SSBP2: variants seen among roughly 807,000 people sequenced by gnomAD.
SSBP2 encodes the protein single-stranded DNA-binding protein 2.
A neutral mutation model predicts 61.8 loss-of-function variants in SSBP2; 17 were observed. The ratio of observed to expected loss-of-function variants is 0.28; its 90% CI spans 0.19 to 0.41. The LOEUF (loss-of-function observed/expected upper bound fraction) is 0.41, where lower values mean the gene tolerates loss of function less well. Ranked by LOEUF, SSBP2 falls within the 10% of genes least tolerant of loss-of-function variation. The pLI is 1.00. For synonymous variants in SSBP2, 139 were observed against 141.3 expected (o/e 0.98, Z 0.12); for missense variants, 310 against 458.7 (o/e 0.68, Z 2.96).
At chr5:81,499,027 G>A (rs747160136) in intron 5 of SSBP2, among the ~76,000 whole-genome samples, 48 of 152,038 alleles carry the variant, frequency 3.2e-4, no homozygotes, top group Admixed American at 1.9e-3. Flanking sequence ...TGTTTTTCAT[G>A]AACATCTCCA....
In SSBP2 at chr5:81,529,261, G is replaced by T. The variant is rs138147519; in HGVS notation, c.283-15544C>A. 8.4e-4 allele frequency among the ~76,000 whole-genome samples: 128 copies of T among 152,264 alleles called. 1 individual carries two copies. The East Asian group carries it at 0.02, about 24-fold the overall frequency. Reference sequence around the variant, plus strand: ...CTGACTCCTTAAATTGCATTAAGTGGAAAGTAAAGAGAAATATCTCTGAAG... The same window carrying T: ...CTGACTCCTTAAATTGCATTAAGTGTAAAGTAAAGAGAAATATCTCTGAAG... On this transcript the variant is annotated intron_variant, in intron 4 of 16. Coordinates refer to ENST00000320672, the MANE Select transcript of SSBP2 (RefSeq NM_012446.5).
chr5:81,657,405 A>T (rs1333303850), intron 1 of SSBP2, among the ~76,000 whole-genome samples: 1 of 152,236 alleles, frequency 6.6e-6, no homozygotes, highest in Non-Finnish European at 1.5e-5. Flanking sequence ...TGATATTAAG[A>T]AATGTTCATA....
At chr5:81,590,139 T>C (rs1340924910) in intron 4 of SSBP2, among the ~76,000 whole-genome samples, 3 of 152,124 alleles carry the variant, frequency 2.0e-5, no homozygotes, top group Non-Finnish European at 2.9e-5. Context: ...ACCTTAGAGA[T>C]GTCTGAAGTG....
chr5:81,712,127 A>C, intron 1 of SSBP2, among the ~76,000 whole-genome samples: 1 of 149,760 alleles, frequency 6.7e-6, no homozygotes, highest in Non-Finnish European at 1.5e-5. Flanking sequence ...TGGTCTAAGT[A>C]AGTCATACGA....
chr5:81,630,062 A>C (rs575514019), intron 3 of SSBP2, among the ~76,000 whole-genome samples: 1 of 152,226 alleles, frequency 6.6e-6, no homozygotes, highest in Non-Finnish European at 1.5e-5. Flanking sequence ...AAAATATTCT[A>C]TTAAAAAATG....
intron 6 of SSBP2, among the ~76,000 whole-genome samples, chr5:81,485,342 A>C (rs536091134): frequency 1.3e-5 from 2 of 152,190 alleles, no homozygotes; most frequent in Non-Finnish European, 2.9e-5. Context: ...TTTTTACAAC[A>C]TAGTGACATT....
intron 4 of SSBP2, among the ~76,000 whole-genome samples, chr5:81,553,410 C>T (rs1020525530): frequency 2.0e-5 from 3 of 152,090 alleles, no homozygotes; most frequent in Admixed American, 2.0e-4. Context: ...TGCACCTCTC[C>T]ACACACTACA....
intron 10 of SSBP2, among the ~76,000 whole-genome samples, chr5:81,453,390 C>T (rs550939755): frequency 6.6e-6 from 1 of 150,616 alleles, no homozygotes; most frequent in Non-Finnish European, 1.5e-5. Flanking sequence ...AAAAGTCAAG[C>T]AAGTTAGATT....
chr5:81,663,485 T>C (rs909061513), intron 1 of SSBP2, among the ~76,000 whole-genome samples: 7 of 152,234 alleles, frequency 4.6e-5, no homozygotes, highest in African/African-American at 1.7e-4. Flanking sequence ...TTTTATGTGC[T>C]AGTTATAAAA....
chr5:81,451,056 A>G (rs1402993325), intron 10 of SSBP2, among the ~76,000 whole-genome samples: 1 of 152,232 alleles, frequency 6.6e-6, no homozygotes, highest in African/African-American at 2.4e-5. Flanking sequence ...ATGGGGGAAA[A>G]AAAGCCCTGA....
intron 1 of SSBP2, 124 bp downstream of exon 1, chr5:81,750,857 C>G: frequency 9.1e-7 from 1 of 1,099,060 alleles, no homozygotes; most frequent in Non-Finnish European, 1.3e-6. Context: ...GCACCCCTCC[C>G]CCTGCCAGCC....
At chr5:81,485,522 C>T (rs1326542348) in intron 6 of SSBP2, among the ~76,000 whole-genome samples, 1 of 152,122 alleles carries the variant, frequency 6.6e-6, no homozygotes, top group Non-Finnish European at 1.5e-5. Context: ...ATGTCTTTTA[C>T]ATATTCAAAA....
At chr5:81,464,944 T>A (rs1419182999) in intron 9 of SSBP2, among the ~76,000 whole-genome samples, 2 of 152,034 alleles carry the variant, frequency 1.3e-5, no homozygotes, top group Non-Finnish European at 2.9e-5. Flanking sequence ...GCAATGGAGA[T>A]AATATGTTTC....
chr5:81,490,030 TAAAAA>T (rs74271580), intron 5 of SSBP2, among the ~76,000 whole-genome samples: 1 of 136,018 alleles, frequency 7.4e-6, no homozygotes, highest in African/African-American at 2.7e-5. Flanking sequence ...TTTCATTTCT[TAAAAA>T]AAAAAAAAAA....
chr5:81,434,591 C>T (rs1432411471), intron 15 of SSBP2, among the ~76,000 whole-genome samples: 6 of 127,696 alleles, frequency 4.7e-5, no homozygotes, highest in Admixed American at 8.9e-5. Context: ...GAGATGGCAC[C>T]ATTGCACTCC....
chr5:81,695,922 A>G (rs938282999), intron 1 of SSBP2, among the ~76,000 whole-genome samples: 1 of 152,234 alleles, frequency 6.6e-6, no homozygotes, highest in Admixed American at 6.5e-5. Context: ...AAAATTTAAT[A>G]AAATGCATGA....
chr5:81,466,613 A>C lies in SSBP2; in HGVS notation c.638+361T>G, dbSNP rs181181440. Among the ~76,000 whole-genome samples, 320 of 152,138 alleles carry C rather than the reference A, an allele frequency of 2.1e-3. 2 individuals carry two copies. Among genetic ancestry groups the C allele is most frequent in the African/African-American group, 7.5e-3 (310 of 41,560 alleles). On this transcript the variant is annotated intron_variant, in intron 9 of 16. Transcript: ENST00000320672. The stretch of plus-strand genomic sequence containing the variant: ...TTATCTACTTCTACAGAGTTAAGTC[A>C]AAGTCCTGGTGTTAGCATCTCTTCA...
intron 4 of SSBP2, among the ~76,000 whole-genome samples, chr5:81,539,882 T>C (rs1771115259): frequency 6.6e-6 from 1 of 152,188 alleles, no homozygotes; most frequent in Non-Finnish European, 1.5e-5. Flanking sequence ...CTCCTAATGC[T>C]ATCCCTCCCT....
chr5:81,713,703 C>G (rs1561720059), intron 1 of SSBP2, among the ~76,000 whole-genome samples: 1 of 152,092 alleles, frequency 6.6e-6, no homozygotes, highest in Non-Finnish European at 1.5e-5. Flanking sequence ...TAGAATGCAT[C>G]AGTGAACAAC....
Sources: allele counts gnomAD v4.1 joint callset (sites outside exome capture counted in the v4.1 genomes callset), GRCh38; gene constraint gnomAD v4.1.1; transcripts MANE v1.5; gene names NCBI Gene and HGNC (gene_info 2026-07-23, HGNC 2026-07-21).